CNTNAP2: variants seen among roughly 807,000 people sequenced by gnomAD.
The protein encoded by CNTNAP2 is contactin associated protein 2.
Under a neutral mutation model 155.2 loss-of-function variants are expected in CNTNAP2, and 98 were observed. The observed-to-expected ratio is 0.63, with a 90% CI of 0.54 to 0.75. The LOEUF is 0.75. CNTNAP2 is among the 30% of genes least tolerant of loss of function. CNTNAP2 has a pLI of 0.00. For synonymous variants in CNTNAP2, 651 were observed against 631.2 expected (o/e 1.03, Z -0.47); for missense variants, 1,727 against 1,688.1 (o/e 1.02, Z -0.40).
chr7:147,700,823 A>G (rs1796226505), intron 13 of CNTNAP2, among the ~76,000 whole-genome samples: 1 of 152,188 alleles, frequency 6.6e-6, no homozygotes, highest in Admixed American at 6.5e-5. Context: ...CCTTAGTATC[A>G]TTTAGTATGT....
At chr7:148,245,318 A>C (rs959357890) in intron 20 of CNTNAP2, among the ~76,000 whole-genome samples, 3 of 152,222 alleles carry the variant, frequency 2.0e-5, no homozygotes, top group Admixed American at 6.5e-5. Context: ...ACATGGGGCG[A>C]ATAAGAGTAT....
intron 1 of CNTNAP2, among the ~76,000 whole-genome samples, chr7:146,475,780 T>A (rs1796868377): frequency 6.6e-6 from 1 of 152,208 alleles, no homozygotes; most frequent in Admixed American, 6.5e-5. Flanking sequence ...TATTTGATCA[T>A]ACTTCCAGTC....
intron 3 of CNTNAP2, among the ~76,000 whole-genome samples, chr7:146,916,689 T>A (rs1158955761): frequency 6.6e-6 from 1 of 151,914 alleles, no homozygotes; most frequent in Non-Finnish European, 1.5e-5. Flanking sequence ...CTAACTGAGC[T>A]TATTTGGATC....
chr7:147,352,556 A>T (rs1795984696), intron 9 of CNTNAP2, among the ~76,000 whole-genome samples: 1 of 151,996 alleles, frequency 6.6e-6, no homozygotes, highest in African/African-American at 2.4e-5. Flanking sequence ...CTGTTTAGGG[A>T]CTTCACATAC....
At chr7:146,512,547 G>A (rs547165374) in intron 1 of CNTNAP2, among the ~76,000 whole-genome samples, 1 of 149,692 alleles carries the variant, frequency 6.7e-6, no homozygotes, top group Admixed American at 6.6e-5. Context: ...TTGGCCCATT[G>A]GTTATTTAAG....
chr7:146,655,780 A>T (rs1402097960), intron 1 of CNTNAP2, among the ~76,000 whole-genome samples: 2 of 151,872 alleles, frequency 1.3e-5, no homozygotes, highest in Non-Finnish European at 2.9e-5. Context: ...ATCCATGAAA[A>T]CTCTCTCTTA....
At chr7:147,300,411 A>G in intron 9 of CNTNAP2, 121 bp downstream of exon 9, 1 of 1,185,150 alleles carries the variant, frequency 8.4e-7, no homozygotes, top group East Asian at 2.5e-5. Context: ...ATGACAAAAC[A>G]AACTGTAATT....
chr7:147,431,667 G>T (rs1797468825), intron 10 of CNTNAP2, among the ~76,000 whole-genome samples: 1 of 152,098 alleles, frequency 6.6e-6, no homozygotes. Flanking sequence ...AGACTTTTCA[G>T]TCCTCTCCTT....
rs563701384 is a variant in CNTNAP2, at chr7:146,140,052, T to C, written c.97+23079T>C. Among the ~76,000 whole-genome samples, 4 of 152,302 alleles carry C rather than the reference T, an allele frequency of 2.6e-5. No homozygotes were observed. The East Asian group carries it at 7.7e-4, about 29-fold the overall frequency. Reference sequence around the variant, plus strand: ...TACAGGAGTCTGACTTGATCAAATGTAACACTTTCATACCTGTGTCCCTCC... The same window carrying C: ...TACAGGAGTCTGACTTGATCAAATGCAACACTTTCATACCTGTGTCCCTCC... On this transcript the variant is annotated intron_variant, in intron 1 of 23. Transcript: ENST00000361727.
At chr7:146,985,864 C>G (rs1372015688) in intron 3 of CNTNAP2, among the ~76,000 whole-genome samples, 1 of 151,956 alleles carries the variant, frequency 6.6e-6, no homozygotes, top group Non-Finnish European at 1.5e-5. Flanking sequence ...GTGTCCAAAC[C>G]CTGGCATTCA....
intron 9 of CNTNAP2, among the ~76,000 whole-genome samples, chr7:147,391,203 A>T (rs1796711006): frequency 1.3e-5 from 2 of 152,202 alleles, no homozygotes; most frequent in Non-Finnish European, 2.9e-5. Flanking sequence ...AGTGGAGAAA[A>T]TAAGAGAGAC....
intron 3 of CNTNAP2, among the ~76,000 whole-genome samples, chr7:146,975,975 A>G (rs1422833377): frequency 6.6e-6 from 1 of 152,168 alleles, no homozygotes; most frequent in Non-Finnish European, 1.5e-5. Flanking sequence ...CAACCACTTA[A>G]AGTCTAATGA....
At chr7:147,438,280 T>A (rs557554451) in intron 10 of CNTNAP2, among the ~76,000 whole-genome samples, 116 of 152,232 alleles carry the variant, frequency 7.6e-4, no homozygotes, top group Non-Finnish European at 1.3e-3. Flanking sequence ...TGCTGAGATA[T>A]GTTCCTTCTA....
intron 1 of CNTNAP2, among the ~76,000 whole-genome samples, chr7:146,447,963 T>C (rs1404874964): frequency 6.6e-6 from 1 of 152,014 alleles, no homozygotes; most frequent in African/African-American, 2.4e-5. Flanking sequence ...CTTTTATTAA[T>C]AATATTGGCT....
At chr7:146,445,672 C>T (rs1639456) in intron 1 of CNTNAP2, among the ~76,000 whole-genome samples, 5,420 of 152,084 alleles carry the variant, frequency 0.036, 343 homozygotes, top group African/African-American at 0.12. Context: ...TTCCCAATAT[C>T]CTACTTTTAT....
chr7:148,108,379 C>A, intron 15 of CNTNAP2, among the ~76,000 whole-genome samples: 1 of 147,524 alleles, frequency 6.8e-6, no homozygotes, highest in Non-Finnish European at 1.5e-5. Context: ...AAAAAAAAAT[C>A]AGTGGAGATG....
chr7:146,920,145 G>A (rs1796472390), intron 3 of CNTNAP2, among the ~76,000 whole-genome samples: 1 of 152,166 alleles, frequency 6.6e-6, no homozygotes, highest in Non-Finnish European at 1.5e-5. Flanking sequence ...CAGGCGTGGT[G>A]GCTTATGCCT....
intron 14 of CNTNAP2, among the ~76,000 whole-genome samples, chr7:147,955,500 T>C (rs2246992): frequency 0.39 from 59,851 of 152,006 alleles, 13,583 homozygotes; most frequent in Middle Eastern, 0.66. Context: ...GTCTTAATAT[T>C]ATTATGAAAA....
intron 18 of CNTNAP2, among the ~76,000 whole-genome samples, chr7:148,183,486 T>C (rs1795071098): frequency 6.8e-6 from 1 of 147,882 alleles, no homozygotes; most frequent in Non-Finnish European, 1.5e-5. Flanking sequence ...TTTTTTTTTT[T>C]TTTTTTTTTT....
Sources: allele counts gnomAD v4.1 joint callset (sites outside exome capture counted in the v4.1 genomes callset), GRCh38; gene constraint gnomAD v4.1.1; transcripts MANE v1.5; gene names NCBI Gene and HGNC (gene_info 2026-07-23, HGNC 2026-07-21).